MTNAP1: variants seen among roughly 807,000 people sequenced by gnomAD.
The protein encoded by MTNAP1 is mitochondrial nucleoid associated protein 1, also known as mitochondrial nucleoid-associated protein 1.
At chr17:73,243,164 ATTTT>A in the MTNAP1 span, 12 of 657,944 alleles carry the variant, frequency 1.8e-5, no homozygotes, top group South Asian at 1.7e-4. Context: ...TCTGGGTTTT[ATTTT>A]TTTGAGATAC....
chr17:73,248,910 ATAC>A, the MTNAP1 span: 1 of 181,504 alleles, frequency 5.5e-6, no homozygotes, highest in African/African-American at 2.4e-5. Flanking sequence ...GGGCATCTAC[ATAC>A]TACTTCCGCC....
At chr17:73,248,560 C>T in the MTNAP1 span, 8 of 1,551,168 alleles carry the variant, frequency 5.2e-6, 1 homozygote, top group African/African-American at 4.1e-5. Context: ...ACAAATGCAG[C>T]GTGAGAATCC....
At chr17:73,239,622 G>A in the MTNAP1 span, among the ~76,000 whole-genome samples, 10 of 150,602 alleles carry the variant, frequency 6.6e-5, no homozygotes, top group Non-Finnish European at 7.4e-5. Context: ...AGGTTCAAGC[G>A]ATTCTCCTGC....
chr17:73,247,491 A>C, the MTNAP1 span: 1 of 680,108 alleles, frequency 1.5e-6, no homozygotes, highest in African/African-American at 1.8e-5. Context: ...GAGCATTTGT[A>C]TCACTGCTAT....
chr17:73,234,081 A>G, the MTNAP1 span, among the ~76,000 whole-genome samples: 1 of 152,036 alleles, frequency 6.6e-6, no homozygotes, highest in Admixed American at 6.5e-5. Flanking sequence ...CAGTTGTAGT[A>G]CTGAATAATA....
chr17:73,237,934 T>C, the MTNAP1 span, among the ~76,000 whole-genome samples: 1 of 152,094 alleles, frequency 6.6e-6, no homozygotes. Flanking sequence ...AGAAAAAATG[T>C]AGGCCACAGA....
the MTNAP1 span, among the ~76,000 whole-genome samples, chr17:73,242,022 G>A: frequency 1.3e-5 from 2 of 152,142 alleles, no homozygotes; most frequent in African/African-American, 4.8e-5. Context: ...ACAAGTAGAC[G>A]CCCTGATTTT....
chr17:73,245,202 A>C, the MTNAP1 span: 1 of 1,613,622 alleles, frequency 6.2e-7, no homozygotes, highest in Non-Finnish European at 8.5e-7. Context: ...GTTGACCTGG[A>C]CATCACTTAA....
chr17:73,243,077 A>ATTTTTTTTTTTT, the MTNAP1 span: 2 of 438,584 alleles, frequency 4.6e-6, no homozygotes, highest in African/African-American at 2.7e-5. Flanking sequence ...GATTCTCTGA[A>ATTTTTTTTTTTT]TTTTTTTTTT....
chr17:73,242,467 G>A, the MTNAP1 span: 2 of 654,234 alleles, frequency 3.1e-6, no homozygotes, highest in Non-Finnish European at 5.2e-6. Flanking sequence ...TAAAATGTGT[G>A]TTGTCTTCCT....
the MTNAP1 span, chr17:73,236,427 A>G: frequency 6.2e-7 from 1 of 1,614,162 alleles, no homozygotes; most frequent in Non-Finnish European, 8.5e-7. Flanking sequence ...ATGCAGAGAA[A>G]AGTATGTCTG....
At chr17:73,248,943 T>C in the MTNAP1 span, 4 of 166,918 alleles carry the variant, frequency 2.4e-5, no homozygotes, top group African/African-American at 9.6e-5. Flanking sequence ...AATAAAATTA[T>C]TTGTAAAATA....
chr17:73,236,615 C>G, the MTNAP1 span: 3 of 1,614,180 alleles, frequency 1.9e-6, no homozygotes, highest in East Asian at 6.7e-5. Context: ...AGTCTTGCCT[C>G]TCTAGCTACA....
chr17:73,235,915 A>G, the MTNAP1 span: 1 of 1,614,204 alleles, frequency 6.2e-7, no homozygotes, highest in East Asian at 2.2e-5. Flanking sequence ...CGCATCAGAG[A>G]AAACCTCTCC....
At chr17:73,240,679 G>A in the MTNAP1 span, among the ~76,000 whole-genome samples, 2 of 152,158 alleles carry the variant, frequency 1.3e-5, no homozygotes, top group African/African-American at 4.8e-5. Flanking sequence ...TCATTCCTTT[G>A]GTACTTAAAA....
the MTNAP1 span, among the ~76,000 whole-genome samples, chr17:73,243,540 CATGTT>C: frequency 6.9e-6 from 1 of 145,904 alleles, no homozygotes; most frequent in African/African-American, 2.5e-5. Flanking sequence ...TCCTCCATTT[CATGTT>C]GTCTTTTTTT....
the MTNAP1 span, among the ~76,000 whole-genome samples, chr17:73,239,520 C>CTTTTTT: frequency 5.7e-5 from 8 of 141,514 alleles, no homozygotes; most frequent in African/African-American, 7.9e-5. Context: ...CTTCAGACAT[C>CTTTTTT]TTTTTTTTTT....
the MTNAP1 span, among the ~76,000 whole-genome samples, chr17:73,239,266 C>T: frequency 6.6e-6 from 1 of 151,970 alleles, no homozygotes; most frequent in African/African-American, 2.4e-5. Flanking sequence ...GATGCACACA[C>T]TCCCCCCATG....
the MTNAP1 span, among the ~76,000 whole-genome samples, chr17:73,244,997 C>A: frequency 1.3e-5 from 2 of 152,096 alleles, no homozygotes; most frequent in African/African-American, 4.8e-5. Flanking sequence ...TGTTTGATAC[C>A]TGACATTAAT....
Sources: allele counts gnomAD v4.1 joint callset (sites outside exome capture counted in the v4.1 genomes callset), GRCh38; gene constraint gnomAD v4.1.1; transcripts MANE v1.5; gene names NCBI Gene and HGNC (gene_info 2026-07-23, HGNC 2026-07-21).